CDK19: variants seen among roughly 807,000 people sequenced by gnomAD.
CDK19 encodes cyclin-dependent kinase 19.
CDK19 carries 20 observed loss-of-function variants against 68.3 expected under a neutral mutation model. The observed-to-expected ratio is 0.29, with a 90% CI of 0.21 to 0.43. CDK19 has a LOEUF of 0.43. Among genes scored for constraint, CDK19 ranks in the 20% least tolerant of loss-of-function variants. The pLI is 1.00. For synonymous variants in CDK19, 221 were observed against 222.8 expected, an observed-to-expected ratio of 0.99 and a Z score of 0.07; for missense variants, 339 against 623.5, an observed-to-expected ratio of 0.54 and a Z score of 4.86.
chr6:110,654,715 C>A (rs569852999), intron 4 of CDK19, among the ~76,000 whole-genome samples: 1 of 152,186 alleles, frequency 6.6e-6, no homozygotes, highest in South Asian at 2.1e-4. Context: ...CCAAGGCGGG[C>A]AGATGACCTG....
intron 5 of CDK19, among the ~76,000 whole-genome samples, chr6:110,636,674 A>C (rs1035506158): frequency 6.6e-6 from 1 of 152,238 alleles, no homozygotes; most frequent in African/African-American, 2.4e-5. Context: ...ATAACAAATT[A>C]GAGTAAGTGG....
intron 2 of CDK19, among the ~76,000 whole-genome samples, chr6:110,739,662 A>C (rs1777506000): frequency 1.3e-5 from 2 of 150,700 alleles, no homozygotes; most frequent in South Asian, 4.2e-4. Flanking sequence ...TGGGGTTCTC[A>C]CTCTGTCACC....
chr6:110,750,923 G>A (rs1045553168), intron 1 of CDK19, among the ~76,000 whole-genome samples: 10 of 152,120 alleles, frequency 6.6e-5, no homozygotes, highest in African/African-American at 1.9e-4. Context: ...TGCAACCTCC[G>A]CTTCCTGGTT....
At chr6:110,764,230 T>C (rs1473470904) in intron 1 of CDK19, among the ~76,000 whole-genome samples, 1 of 152,148 alleles carries the variant, frequency 6.6e-6, no homozygotes, top group East Asian at 1.9e-4. Context: ...CCCAGCCAAC[T>C]GTTTTGTGGA....
chr6:110,802,239 TATC>T (rs1389817987), intron 1 of CDK19, among the ~76,000 whole-genome samples: 1 of 152,228 alleles, frequency 6.6e-6, no homozygotes, highest in African/African-American at 2.4e-5. Context: ...CTCGTATATT[TATC>T]ATAACACTAT....
At chr6:110,626,709 A>G in intron 8 of CDK19, 67 bp downstream of exon 8, 1 of 955,424 alleles carries the variant, frequency 1.0e-6, no homozygotes, top group Non-Finnish European at 1.6e-6. Context: ...GTTGTTTATA[A>G]ATTACCCAGT....
chr6:110,699,424 C>CAAA (rs34728164), intron 2 of CDK19, among the ~76,000 whole-genome samples: 1 of 93,742 alleles, frequency 1.1e-5, no homozygotes. Flanking sequence ...GACTTCGTCT[C>CAAA]AAAAAAAAAA....
At chr6:110,704,184 G>T (rs537330637) in intron 2 of CDK19, among the ~76,000 whole-genome samples, 1 of 152,222 alleles carries the variant, frequency 6.6e-6, no homozygotes, top group East Asian at 1.9e-4. Flanking sequence ...AAAATGACTA[G>T]CCAGGATTGG....
intron 2 of CDK19, among the ~76,000 whole-genome samples, chr6:110,702,089 C>T (rs899052358): frequency 2.0e-5 from 3 of 151,312 alleles, no homozygotes; most frequent in South Asian, 2.1e-4. Context: ...TGCAGTGAGC[C>T]GAGATTGTTC....
chr6:110,789,231 G>A (rs1284163123), intron 1 of CDK19, among the ~76,000 whole-genome samples: 1 of 152,022 alleles, frequency 6.6e-6, no homozygotes, highest in Non-Finnish European at 1.5e-5. Context: ...GACTGCAAAT[G>A]GCATCATGTG....
intron 4 of CDK19, among the ~76,000 whole-genome samples, chr6:110,641,646 A>AAAGAAAGAAAGGAAGGAAAGAAGG (rs60451345): frequency 7.6e-6 from 1 of 131,416 alleles, no homozygotes; most frequent in African/African-American, 3.0e-5. Context: ...AAAGGGAAAG[A>AAAGAAAGAAAGGAAGGAAAGAAGG]AAGGAAGGAA....
chr6:110,642,339 A>T (rs1031539775), intron 4 of CDK19, among the ~76,000 whole-genome samples: 1 of 150,646 alleles, frequency 6.6e-6, no homozygotes, highest in African/African-American at 2.4e-5. Flanking sequence ...AGGGTTCAAG[A>T]CTTGGCATTG....
At chr6:110,777,198 AT>A (rs1302726994) in intron 1 of CDK19, among the ~76,000 whole-genome samples, 2 of 152,272 alleles carry the variant, frequency 1.3e-5, no homozygotes, top group Non-Finnish European at 2.9e-5. Flanking sequence ...ATGATGTTGT[AT>A]AAAATATGTA....
chr6:110,788,578 T>C (rs1413416797), intron 1 of CDK19, among the ~76,000 whole-genome samples: 1 of 152,174 alleles, frequency 6.6e-6, no homozygotes, highest in Non-Finnish European at 1.5e-5. Context: ...TATGAATTCT[T>C]TTTTTCTCAA....
chr6:110,635,938 C>A (rs948284640), intron 5 of CDK19, among the ~76,000 whole-genome samples: 1 of 152,160 alleles, frequency 6.6e-6, no homozygotes, highest in African/African-American at 2.4e-5. Flanking sequence ...GCTACTAAAA[C>A]AAAATTTAAA....
chr6:110,668,708 T>C (rs1770731541), intron 3 of CDK19, among the ~76,000 whole-genome samples: 2 of 152,004 alleles, frequency 1.3e-5, no homozygotes, highest in African/African-American at 2.4e-5. Flanking sequence ...GGTGTATGCC[T>C]GTAATCCCAG....
intron 4 of CDK19, among the ~76,000 whole-genome samples, chr6:110,654,700 G>T (rs1051860217): frequency 6.6e-6 from 1 of 152,230 alleles, no homozygotes; most frequent in Non-Finnish European, 1.5e-5. Flanking sequence ...CAGAACATTG[G>T]GAGGCCAAGG....
intron 1 of CDK19, among the ~76,000 whole-genome samples, chr6:110,781,341 T>G (rs192404635): frequency 6.6e-6 from 1 of 152,092 alleles, no homozygotes; most frequent in African/African-American, 2.4e-5. Context: ...TGGGAACCGA[T>G]AGAGCAAGAA....
chr6:110,643,381 G>C, intron 4 of CDK19: 2 of 344,752 alleles, frequency 5.8e-6, no homozygotes, highest in Non-Finnish European at 1.1e-5. Context: ...AGATAAAATA[G>C]CTTTTAACAC....
Sources: allele counts gnomAD v4.1 joint callset (sites outside exome capture counted in the v4.1 genomes callset), GRCh38; gene constraint gnomAD v4.1.1; transcripts MANE v1.5; gene names NCBI Gene and HGNC (gene_info 2026-07-23, HGNC 2026-07-21).